Variants in NEDD4L observed in about 807,000 individuals in gnomAD.
The protein encoded by NEDD4L is E3 ubiquitin-protein ligase NEDD4-like.
A neutral mutation model predicts 148.9 loss-of-function variants in NEDD4L; 54 were observed. The observed-to-expected ratio is 0.36, with a 90% CI of 0.29 to 0.45. NEDD4L has a LOEUF of 0.45. Ranked by LOEUF, NEDD4L falls within the 20% of genes least tolerant of loss-of-function variation. NEDD4L has a pLI of 1.00. For missense variants in NEDD4L, 856 were observed against 1,233.8 expected, an observed-to-expected ratio of 0.69 and a Z score of 4.59; for synonymous variants, 433 against 440.7, an observed-to-expected ratio of 0.98 and a Z score of 0.22.
At chr18:58,240,032 G>C (rs1430173826) in intron 2 of NEDD4L, among the ~76,000 whole-genome samples, 1 of 152,208 alleles carries the variant, frequency 6.6e-6, no homozygotes, top group Non-Finnish European at 1.5e-5. Context: ...GAGAGCAGGT[G>C]CCTGAGGATT....
chr18:58,286,177 A>G (rs2053878446), intron 5 of NEDD4L, among the ~76,000 whole-genome samples: 1 of 152,228 alleles, frequency 6.6e-6, no homozygotes. Context: ...CCAACTATGA[A>G]TTATTTGTGT....
chr18:58,376,332 A>G (rs1002292169), intron 24 of NEDD4L, among the ~76,000 whole-genome samples: 2 of 152,200 alleles, frequency 1.3e-5, no homozygotes, highest in Admixed American at 6.5e-5. Flanking sequence ...GGTAGGATCA[A>G]GTAGAGTAAT....
intron 5 of NEDD4L, among the ~76,000 whole-genome samples, chr18:58,290,137 C>T (rs887840646): frequency 6.6e-6 from 1 of 152,174 alleles, no homozygotes; most frequent in Non-Finnish European, 1.5e-5. Context: ...ACATTCAGAG[C>T]CCACTCGATG....
At chr18:58,232,637 G>A (rs2045384919) in intron 2 of NEDD4L, among the ~76,000 whole-genome samples, 1 of 152,188 alleles carries the variant, frequency 6.6e-6, no homozygotes. Flanking sequence ...TCACCGTAAT[G>A]TGGCTCTTTT....
At chr18:58,255,670 C>T (rs2048428599) in intron 5 of NEDD4L, 2 of 1,232,320 alleles carry the variant, frequency 1.6e-6, no homozygotes, top group Non-Finnish European at 1.0e-6. Context: ...TTCATTTTGG[C>T]TCTGGTCGCA....
chr18:58,120,632 T>C (rs1045945547), intron 1 of NEDD4L, among the ~76,000 whole-genome samples: 4 of 151,832 alleles, frequency 2.6e-5, no homozygotes, highest in African/African-American at 9.7e-5. Context: ...ACAAAAAAAT[T>C]AGCCAGGCGT....
At chr18:58,386,716 A>C (rs1193529254) in intron 26 of NEDD4L, among the ~76,000 whole-genome samples, 1 of 152,240 alleles carries the variant, frequency 6.6e-6, no homozygotes, top group Non-Finnish European at 1.5e-5. Context: ...GCACTGAGGC[A>C]GAGCTCTCGT....
intron 1 of NEDD4L, among the ~76,000 whole-genome samples, chr18:58,085,466 G>C (rs1472262030): frequency 6.6e-6 from 1 of 152,162 alleles, no homozygotes; most frequent in Non-Finnish European, 1.5e-5. Context: ...ATGGACTGAG[G>C]AGGGAAGAGG....
intron 26 of NEDD4L, among the ~76,000 whole-genome samples, chr18:58,386,753 T>A (rs956592176): frequency 6.6e-6 from 1 of 152,162 alleles, no homozygotes; most frequent in Non-Finnish European, 1.5e-5. Flanking sequence ...TTCACTCAGG[T>A]ACCTACACAG....
intron 18 of NEDD4L, among the ~76,000 whole-genome samples, chr18:58,352,698 A>G (rs890151473): frequency 2.0e-5 from 3 of 152,208 alleles, no homozygotes; most frequent in African/African-American, 7.2e-5. Context: ...TTTTTTATAC[A>G]TCACAATCAC....
At position 58,383,162 on chromosome 18, in the gene NEDD4L, CTT is replaced by C; in HGVS notation, c.2353-82_2353-81del. 4.0e-6 allele frequency: 3 copies of C among 754,904 alleles called. No individual in the cohort carries two copies. The South Asian group carries it at 4.7e-5, about 12-fold the overall frequency. The allele number at this position is 754,904 out of a possible 1,614,324, so 46.8% of individuals were successfully genotyped here. A position where few individuals can be genotyped will look rare whatever the true frequency, so the allele number is the denominator to read the frequency against. ...TATTTCTGAATACATGTTGTCTTCC[CTT>C]TATAGTAAGACATTGTCACTCAATA... On this transcript the variant is annotated intron_variant, in intron 24 of 30. Coordinates refer to ENST00000400345, the MANE Select transcript of NEDD4L (RefSeq NM_001144967.3).
intron 1 of NEDD4L, 150 bp from the exon 2 acceptor site, chr18:58,165,638 C>T (rs1285068855): frequency 1.3e-6 from 2 of 1,509,862 alleles, no homozygotes; most frequent in Admixed American, 4.2e-5. Context: ...TTTTGAACTT[C>T]AGTGTAAGGA....
At chr18:58,289,032 A>G (rs1178611416) in intron 5 of NEDD4L, among the ~76,000 whole-genome samples, 2 of 152,222 alleles carry the variant, frequency 1.3e-5, no homozygotes, top group South Asian at 2.1e-4. Context: ...AAGTGTTTCT[A>G]CTGCAGTACC....
chr18:58,101,435 T>C (rs1041997288), intron 1 of NEDD4L, among the ~76,000 whole-genome samples: 1 of 152,164 alleles, frequency 6.6e-6, no homozygotes, highest in East Asian at 1.9e-4. Flanking sequence ...GTTCTGTTGG[T>C]TTAATTTGCA....
At chr18:58,334,769 G>A (rs142871319) in intron 12 of NEDD4L, among the ~76,000 whole-genome samples, 19 of 152,120 alleles carry the variant, frequency 1.2e-4, no homozygotes, top group African/African-American at 4.6e-4. Flanking sequence ...AGGATATTTT[G>A]GCCTAGGTTT....
At chr18:58,107,619 T>G (rs2085143482) in intron 1 of NEDD4L, among the ~76,000 whole-genome samples, 1 of 151,734 alleles carries the variant, frequency 6.6e-6, no homozygotes, top group African/African-American at 2.4e-5. Flanking sequence ...CTCTGGAGGC[T>G]GAGGTGGGAG....
intron 5 of NEDD4L, among the ~76,000 whole-genome samples, chr18:58,296,648 G>A (rs1217165359): frequency 2.0e-5 from 3 of 152,304 alleles, no homozygotes; most frequent in Admixed American, 6.5e-5. Context: ...TGGGCCGGGC[G>A]CGGTGGCTCA....
In NEDD4L at chr18:58,196,710, CTTT is replaced by C. The variant is rs544883000; in HGVS notation, c.122+30874_122+30876del. Among the ~76,000 whole-genome samples, 490 of 114,412 alleles carry C rather than the reference CTTT, an allele frequency of 4.3e-3. 1 individual carries two copies. Among genetic ancestry groups the C allele is most frequent in the African/African-American group, 0.015 (475 of 32,456 alleles). 75.1% of individuals were successfully genotyped at this position (114,412 alleles called of 152,430 possible). A position where few individuals can be genotyped will look rare whatever the true frequency, so the allele number is the denominator to read the frequency against. ...CTCTACTTTTCTGTTCTCTCTCTCT[CTTT>C]TTTTTTTTTTTTTTTTTTTTTTTTA... On this transcript the variant is annotated intron_variant, in intron 2 of 30. Transcript: ENST00000400345.
At chr18:58,377,116 C>G (rs144746554) in intron 24 of NEDD4L, among the ~76,000 whole-genome samples, 20 of 152,368 alleles carry the variant, frequency 1.3e-4, no homozygotes, top group Non-Finnish European at 2.5e-4. Flanking sequence ...GCATGCCTGC[C>G]CTGTGCTCAC....
Sources: gnomAD v4.1 joint callset for allele counts (sites outside exome capture counted in the v4.1 genomes callset) on GRCh38, gnomAD v4.1.1 for gene constraint, MANE v1.5 for transcripts, NCBI Gene and HGNC (gene_info 2026-07-23, HGNC 2026-07-21) for gene names.